Variants in GLB1 observed in about 807,000 individuals in gnomAD.
The protein encoded by GLB1 is galactosidase beta 1.
Under a neutral mutation model 74.0 loss-of-function variants are expected in GLB1, and 56 were observed. The observed-to-expected ratio is 0.76, with a 90% CI of 0.61 to 0.94. The LOEUF (loss-of-function observed/expected upper bound fraction) is 0.94, where lower values mean the gene tolerates loss of function less well. Ranked by LOEUF, GLB1 falls within the 40% of genes least tolerant of loss-of-function variation. GLB1 has a pLI of 0.00. For synonymous variants in GLB1, 323 were observed against 323.6 expected (o/e 1.00, Z 0.02); for missense variants, 787 against 845.5 (o/e 0.93, Z 0.86).
rs987190983 is a variant in GLB1 at position 33,086,552 on chromosome 3, C to T, written c.75+10459G>A. Among the ~76,000 whole-genome samples the T allele has an allele frequency of 3.3e-5, 5 of 152,286 alleles. No homozygotes were observed. In the South Asian group the frequency reaches 6.2e-4, roughly 19 times the overall value. On this transcript the variant is annotated intron_variant, in intron 1 of 15. Coordinates refer to ENST00000307363, the MANE Select transcript of GLB1 (RefSeq NM_000404.4). ...TCTAGTGGAGGGATCAAGCTGACAA[C>T]ACCTGGACCAACAGGTCAATCTTAA...
rs748948967 is a variant in GLB1 at position 32,997,218 on chromosome 3, G to C, written c.1861C>G (p.Leu621Val). 1.2e-6 allele frequency: 2 copies of C among 1,614,214 alleles called. No individual in the cohort carries two copies. The highest frequency in any genetic ancestry group is 1.7e-6 in the Non-Finnish European group (2 of 1,180,032). ...TCACTGCTGCAGGGTGCCCACTCCAGTTCCAGCACGGTGATGGTGTTTGGG... is the reference window on the plus strand; with the variant it reads ...TCACTGCTGCAGGGTGCCCACTCCACTTCCAGCACGGTGATGGTGTTTGGG... ...SAPNTITVLE[L>V]EWAPCSSDDP... The change falls in exon 16 of 16, where the codon CTG becomes GTG. Residue 621 changes from leucine to valine, a missense_variant. Leu to Val is a conservative substitution (Grantham distance 32). Coordinates refer to ENST00000307363, the MANE Select transcript of GLB1 (RefSeq NM_000404.4).
intron 10 of GLB1, among the ~76,000 whole-genome samples, chr3:33,037,055 T>C (rs1241015640): frequency 6.6e-6 from 1 of 152,034 alleles, no homozygotes; most frequent in Non-Finnish European, 1.5e-5. Flanking sequence ...TTAATTTTTT[T>C]TTTTTTTTGA....
intron 1 of GLB1, among the ~76,000 whole-genome samples, chr3:33,074,351 AG>A (rs1424016649): frequency 2.1e-5 from 2 of 95,910 alleles, no homozygotes; most frequent in Non-Finnish European, 4.6e-5. Flanking sequence ...GAAGGAAGGA[AG>A]GAAGGAAGGA....
At chr3:33,026,961 A>G (rs1381942906) in intron 10 of GLB1, among the ~76,000 whole-genome samples, 1 of 152,198 alleles carries the variant, frequency 6.6e-6, no homozygotes, top group Admixed American at 6.5e-5. Flanking sequence ...ATGTAGGACA[A>G]GAACTCAAGA....
At chr3:33,071,085 C>T (rs1699871492) in intron 2 of GLB1, among the ~76,000 whole-genome samples, 1 of 152,160 alleles carries the variant, frequency 6.6e-6, no homozygotes, top group Admixed American at 6.5e-5. Flanking sequence ...TACCTACAGA[C>T]AGCATGGGAT....
At chr3:33,012,397 A>G (rs958357683) in intron 15 of GLB1, among the ~76,000 whole-genome samples, 4 of 152,134 alleles carry the variant, frequency 2.6e-5, no homozygotes, top group Non-Finnish European at 4.4e-5. Context: ...ATGAAGGTGG[A>G]GCCCTCATGA....
chr3:33,072,962 A>T (rs1256361596), intron 1 of GLB1, among the ~76,000 whole-genome samples: 1 of 152,146 alleles, frequency 6.6e-6, no homozygotes, highest in Non-Finnish European at 1.5e-5. Flanking sequence ...AGAGGCCAGC[A>T]CTGAGCTGAC....
Position 33,025,865 on chromosome 3 carries a change from GC to G in GLB1, c.1069-1541del, listed in dbSNP as rs914043213. Reference sequence around the variant, plus strand: ...GGGGCCAGGCAGGACCCACTCCCAGGCCCGGAGCCTCTGCCGCTGTTGACCC... The same window carrying G: ...GGGGCCAGGCAGGACCCACTCCCAGGCCGGAGCCTCTGCCGCTGTTGACCC... On this transcript the variant is annotated intron_variant, in intron 10 of 15. Transcript: ENST00000307363. Among the ~76,000 whole-genome samples the G allele has an allele frequency of 5.1e-4, 78 of 152,328 alleles. 2 individuals are homozygous for G. Among genetic ancestry groups the G allele is most frequent in the African/African-American group, 1.8e-3 (75 of 41,582 alleles).
chr3:32,962,976 A>G, the GLB1 span, among the ~76,000 whole-genome samples: 1 of 152,142 alleles, frequency 6.6e-6, no homozygotes, highest in African/African-American at 2.4e-5. Context: ...CAACAACAAA[A>G]AATAGCCAGG....
intron 1 of GLB1, among the ~76,000 whole-genome samples, chr3:33,086,895 C>A (rs1700522651): frequency 7.1e-6 from 1 of 141,142 alleles, no homozygotes; most frequent in African/African-American, 2.6e-5. Context: ...AAGACAATTC[C>A]ATAAGAAGAA....
intron 6 of GLB1, 78 bp downstream of exon 6, chr3:33,058,007 CTTAT>C: frequency 6.4e-7 from 1 of 1,567,816 alleles, no homozygotes; most frequent in South Asian, 1.1e-5. Flanking sequence ...GCCCATGACA[CTTAT>C]AACAACAGCT....
At chr3:33,038,431 T>C (rs1191735821) in intron 10 of GLB1, among the ~76,000 whole-genome samples, 2 of 152,240 alleles carry the variant, frequency 1.3e-5, no homozygotes, top group Non-Finnish European at 2.9e-5. Flanking sequence ...TTGACAAATC[T>C]TGCTGTGGAA....
At chr3:33,091,821 C>T (rs780710690) in intron 1 of GLB1, 5 of 985,442 alleles carry the variant, frequency 5.1e-6, no homozygotes, top group Non-Finnish European at 6.0e-6. Flanking sequence ...GGAAACCAGC[C>T]CAGCCCTGTC....
chr3:33,065,586 C>G (rs1335399797), intron 4 of GLB1, 29 bp from the exon 5 acceptor site: 6 of 1,554,400 alleles, frequency 3.9e-6, no homozygotes, highest in Non-Finnish European at 4.4e-6. Context: ...TTAACACAAG[C>G]TTGTCCAACC....
chr3:33,057,072 G>A (rs1018466978), intron 6 of GLB1, among the ~76,000 whole-genome samples: 3 of 152,222 alleles, frequency 2.0e-5, no homozygotes, highest in East Asian at 1.9e-4. Context: ...CGACTGGATC[G>A]TGGGGGCAAA....
rs60737086 is a variant in GLB1 at position 33,083,397 on chromosome 3, CA to C, written c.76-10685del. On this transcript the variant is annotated intron_variant, in intron 1 of 15. Coordinates refer to ENST00000307363, the MANE Select transcript of GLB1 (RefSeq NM_000404.4). ...GGGCAACAAGACTGAAACTCTGTCT[CA>C]AAAAAAAAAAAAAAAAAAAGTGGGA... Among the ~76,000 whole-genome samples the C allele has an allele frequency of 7.1e-3, 740 of 104,158 alleles. 5 individuals are homozygous for C. The highest frequency in any genetic ancestry group is 0.024 in the Middle Eastern group (5 of 208). 68.3% of individuals were successfully genotyped at this position (104,158 alleles called of 152,430 possible).
At chr3:32,995,252 G>C (rs1241412112), downstream of GLB1, among the ~76,000 whole-genome samples, 3 of 152,020 alleles carry the variant, frequency 2.0e-5, no homozygotes, top group Non-Finnish European at 4.4e-5. Flanking sequence ...CTTGTCTCTA[G>C]GGCAGGGGAA....
chr3:33,015,395 G>A (rs1697200094), intron 14 of GLB1, among the ~76,000 whole-genome samples: 1 of 152,082 alleles, frequency 6.6e-6, no homozygotes, highest in African/African-American at 2.4e-5. Context: ...GATGACGATG[G>A]CAAACCTCAG....
Position 33,014,236 on chromosome 3 carries a change from A to G in GLB1, c.1554T>C (p.Asp518=). ...DWTIFPLDTE[D]AVCSHLGGWG... ...AGCCCCCCAGGTGGCTGCACACTGC[A>G]TCCTCAGTGTCCAGTGGAAAGATCG... is the stretch of plus-strand genomic sequence containing the variant. Residue 518 remains aspartate (D), a synonymous_variant, in exon 15 of 16, where the codon GAT becomes GAC. Transcript: ENST00000307363. 6.2e-7 allele frequency: 1 copy of G among 1,614,190 alleles called. No homozygotes were observed. Among genetic ancestry groups the G allele is most frequent in the South Asian group, 1.1e-5 (1 of 91,086 alleles).
Sources: gnomAD v4.1 joint callset for allele counts (sites outside exome capture counted in the v4.1 genomes callset) on GRCh38, gnomAD v4.1.1 for gene constraint, MANE v1.5 for transcripts, NCBI Gene and HGNC (gene_info 2026-07-23, HGNC 2026-07-21) for gene names.